Variants in KLHL29 observed in about 807,000 individuals in gnomAD.
KLHL29 encodes kelch-like protein 29.
Under a neutral mutation model 80.4 loss-of-function variants are expected in KLHL29, and 21 were observed. The observed-to-expected ratio is 0.26, with a 90% confidence interval of 0.19 to 0.38. KLHL29 has a LOEUF of 0.38. Among genes scored for constraint, KLHL29 ranks in the 10% least tolerant of loss-of-function variants. The pLI, the probability that KLHL29 is intolerant of heterozygous loss-of-function variation, is 1.00. For synonymous variants in KLHL29, 511 were observed against 526.8 expected, an observed-to-expected ratio of 0.97 and a Z score of 0.41; for missense variants, 867 against 1,223.9, an observed-to-expected ratio of 0.71 and a Z score of 4.35.
intron 2 of KLHL29, among the ~76,000 whole-genome samples, chr2:23,521,954 G>C (rs1237473326): frequency 6.6e-6 from 1 of 152,158 alleles, no homozygotes; most frequent in Non-Finnish European, 1.5e-5. Context: ...GCTTTTCACA[G>C]CCTTTCTGCA....
chr2:23,397,800 G>T (rs1245883514), intron 1 of KLHL29, among the ~76,000 whole-genome samples: 3 of 152,156 alleles, frequency 2.0e-5, no homozygotes, highest in Non-Finnish European at 4.4e-5. Flanking sequence ...ATGGGCAAAG[G>T]ACTTGAATAG....
intron 1 of KLHL29, among the ~76,000 whole-genome samples, chr2:23,463,111 A>C (rs781111061): frequency 8.7e-5 from 13 of 149,430 alleles, no homozygotes; most frequent in Non-Finnish European, 1.3e-4. Context: ...TAATCACTAG[A>C]GTGACTTTTT....
At chr2:23,664,523 G>A (rs1353614374) in intron 5 of KLHL29, among the ~76,000 whole-genome samples, 1 of 152,220 alleles carries the variant, frequency 6.6e-6, no homozygotes, top group Non-Finnish European at 1.5e-5. Context: ...GGGTGACCCT[G>A]AGCAAGATCA....
intron 3 of KLHL29, among the ~76,000 whole-genome samples, chr2:23,618,443 C>T (rs142088442): frequency 3.3e-5 from 5 of 152,300 alleles, no homozygotes; most frequent in African/African-American, 1.2e-4. Flanking sequence ...TCCGATCAGT[C>T]AGTCGGCCTG....
At chr2:23,509,150 A>C (rs1361436293) in intron 2 of KLHL29, among the ~76,000 whole-genome samples, 1 of 152,228 alleles carries the variant, frequency 6.6e-6, no homozygotes, top group Non-Finnish European at 1.5e-5. Flanking sequence ...TCTACACAAG[A>C]GAAGGGCTCA....
intron 2 of KLHL29, among the ~76,000 whole-genome samples, chr2:23,497,021 C>T (rs1484801131): frequency 6.6e-6 from 1 of 151,450 alleles, no homozygotes; most frequent in Non-Finnish European, 1.5e-5. Context: ...TATATTTGTT[C>T]TGCAACCATA....
In KLHL29 at chr2:23,515,454, G is replaced by A. The variant is rs182820586; in HGVS notation, c.-46+39787G>A. Among the ~76,000 whole-genome samples, 237 of 152,332 alleles carry A rather than the reference G, an allele frequency of 1.6e-3. 1 individual carries two copies. The highest frequency in any genetic ancestry group is 2.1e-3 in the Non-Finnish European group (142 of 68,036). ...TCCCCTCTTCAGAGACTTGGCTCAG[G>A]CACCACCTCCTCCAGGAAGTCTTTT... On this transcript the variant is annotated intron_variant, in intron 2 of 13. Coordinates refer to ENST00000486442, the MANE Select transcript of KLHL29 (RefSeq NM_052920.2).
chr2:23,534,584 C>A lies in KLHL29; in HGVS notation c.-45-27568C>A, dbSNP rs574075861. 4.0e-4 allele frequency among the ~76,000 whole-genome samples: 61 copies of A among 152,144 alleles called. No individual in the cohort carries two copies. In the South Asian group the frequency reaches 0.012, roughly 29 times the overall value. On this transcript the variant is annotated intron_variant, in intron 2 of 13. Transcript: ENST00000486442. ...CTAACTTCTGTTCCAGCCCAAGTTC[C>A]CGTCTTCCTTCTCTTCTGCTCAGTG...
rs1051925235 is a variant in KLHL29, at chr2:23,680,919, A to G, written c.941-3480A>G. On this transcript the variant is annotated intron_variant, in intron 5 of 13. Transcript: ENST00000486442. The surrounding 1 kb of genome is among the most constrained non-coding windows in gnomAD (Gnocchi z 4.1). ...TGAAGACCCAGCCCCGAGGCCTGCAAATCTCCCACACCTGAGAATAGGCCA... is the reference window on the plus strand; with the variant it reads ...TGAAGACCCAGCCCCGAGGCCTGCAGATCTCCCACACCTGAGAATAGGCCA... Among the ~76,000 whole-genome samples, 2 of 152,172 alleles carry G rather than the reference A, an allele frequency of 1.3e-5. No homozygotes were observed. Among genetic ancestry groups the G allele is most frequent in the Non-Finnish European group, 2.9e-5 (2 of 68,018 alleles).
chr2:23,428,868 T>A (rs547481926), intron 1 of KLHL29, among the ~76,000 whole-genome samples: 3 of 152,344 alleles, frequency 2.0e-5, no homozygotes, highest in East Asian at 1.9e-4. Flanking sequence ...CTTTGCAATG[T>A]CCCAGCCTTT....
At chr2:23,499,135 G>A (rs554052657) in intron 2 of KLHL29, among the ~76,000 whole-genome samples, 17 of 152,234 alleles carry the variant, frequency 1.1e-4, no homozygotes, top group South Asian at 4.2e-4. Flanking sequence ...AAATGGTTTC[G>A]CAAGACTTTA....
chr2:23,386,273 A>C (rs752552451), intron 1 of KLHL29, among the ~76,000 whole-genome samples: 8 of 152,126 alleles, frequency 5.3e-5, no homozygotes, highest in African/African-American at 1.2e-4. Flanking sequence ...CTGTGCAGCG[A>C]GAAGCCAGGT....
chr2:23,494,581 T>G, intron 2 of KLHL29, among the ~76,000 whole-genome samples: 1 of 152,162 alleles, frequency 6.6e-6, no homozygotes, highest in East Asian at 1.9e-4. Flanking sequence ...TTCCAAGATA[T>G]AGGACTGCAG....
chr2:23,511,533 T>C (rs1665771809), intron 2 of KLHL29, among the ~76,000 whole-genome samples: 1 of 152,162 alleles, frequency 6.6e-6, no homozygotes, highest in South Asian at 2.1e-4. Context: ...TGCACAGAGA[T>C]GATTCGAGGC....
intron 1 of KLHL29, among the ~76,000 whole-genome samples, chr2:23,400,460 C>T (rs1666572420): frequency 6.6e-6 from 1 of 152,144 alleles, no homozygotes; most frequent in African/African-American, 2.4e-5. Flanking sequence ...CCTCTGAGTC[C>T]AACACTGAGG....
chr2:23,649,299 C>G (rs1225370137), intron 5 of KLHL29, among the ~76,000 whole-genome samples: 1 of 152,242 alleles, frequency 6.6e-6, no homozygotes, highest in East Asian at 1.9e-4. Context: ...ATTCGAAACT[C>G]CATCTGCACA....
Position 23,531,663 on chromosome 2 carries a change from G to A in KLHL29, c.-45-30489G>A, listed in dbSNP as rs138675413. Reference sequence around the variant, plus strand: ...CAGTTAGTGACAGAGAAGACCTGCCGCAAGTCCTGGTACCCAAGACGCTCT... The same window carrying A: ...CAGTTAGTGACAGAGAAGACCTGCCACAAGTCCTGGTACCCAAGACGCTCT... On this transcript the variant is annotated intron_variant, in intron 2 of 13. Transcript: ENST00000486442. Among the ~76,000 whole-genome samples, 567 of 152,112 alleles carry A rather than the reference G, an allele frequency of 3.7e-3. 2 individuals carry two copies. The highest frequency in any genetic ancestry group is 9.7e-3 in the African/African-American group (404 of 41,496).
intron 6 of KLHL29, among the ~76,000 whole-genome samples, chr2:23,686,978 C>T (rs1391643405): frequency 5.3e-5 from 8 of 151,886 alleles, no homozygotes; most frequent in Admixed American, 2.6e-4. Context: ...CCTTTCCTGC[C>T]GTGTAAAATC....
At chr2:23,556,401 G>C (rs898013518) in intron 2 of KLHL29, among the ~76,000 whole-genome samples, 2 of 152,106 alleles carry the variant, frequency 1.3e-5, no homozygotes, top group African/African-American at 4.8e-5. Flanking sequence ...CACTTTGAGA[G>C]GCCAAAGTGG....
Sources: allele counts gnomAD v4.1 joint callset (sites outside exome capture counted in the v4.1 genomes callset), GRCh38; gene constraint gnomAD v4.1.1; non-coding constraint Gnocchi (gnomAD v3.1); transcripts MANE v1.5; gene names NCBI Gene and HGNC (gene_info 2026-07-23, HGNC 2026-07-21).